The following HHAT variants were observed in gnomAD, a reference collection of about 807,000 sequenced individuals.
HHAT encodes the protein protein-cysteine N-palmitoyltransferase HHAT.
Under a neutral mutation model 70.8 loss-of-function variants are expected in HHAT, and 47 were observed. The ratio of observed to expected loss-of-function variants is 0.66; its 90% CI spans 0.53 to 0.85. HHAT has a LOEUF of 0.85. Ranked by LOEUF, HHAT falls within the 40% of genes least tolerant of loss-of-function variation. The pLI is 0.00. For missense variants in HHAT, 609 were observed against 604.8 expected, an observed-to-expected ratio of 1.01 and a Z score of -0.07; for synonymous variants, 228 against 247.6, an observed-to-expected ratio of 0.92 and a Z score of 0.74.
At chr1:210,631,896 T>C (rs1670933531) in intron 11 of HHAT, among the ~76,000 whole-genome samples, 1 of 152,176 alleles carries the variant, frequency 6.6e-6, no homozygotes, top group African/African-American at 2.4e-5. Flanking sequence ...GTGAAGACTA[T>C]ACAAAAAAAC....
chr1:210,432,240 A>G (rs973179495), intron 7 of HHAT, among the ~76,000 whole-genome samples: 1 of 151,814 alleles, frequency 6.6e-6, no homozygotes, highest in Non-Finnish European at 1.5e-5. Context: ...ACTTCCTTGA[A>G]AAATGTGTAG....
chr1:210,425,125 A>G (rs1421288456), intron 7 of HHAT, among the ~76,000 whole-genome samples: 3 of 151,996 alleles, frequency 2.0e-5, no homozygotes, highest in African/African-American at 4.8e-5. Context: ...TTTTCCCCAC[A>G]TGATTCTTGG....
At chr1:210,605,031 C>G (rs981849638) in intron 10 of HHAT, among the ~76,000 whole-genome samples, 5 of 152,204 alleles carry the variant, frequency 3.3e-5, no homozygotes, top group Admixed American at 3.3e-4. Context: ...ACAACAACAA[C>G]AACAACAACA....
At chr1:210,379,136 G>C (rs2090445508) in intron 3 of HHAT, among the ~76,000 whole-genome samples, 1 of 152,186 alleles carries the variant, frequency 6.6e-6, no homozygotes. Context: ...AGAACCTAGG[G>C]CTCTGGTGCC....
intron 3 of HHAT, among the ~76,000 whole-genome samples, chr1:210,386,222 C>CTTTTTTTTT (rs1295756019): frequency 2.9e-5 from 2 of 69,890 alleles, no homozygotes; most frequent in African/African-American, 1.1e-4. Context: ...GAGTCCTTTT[C>CTTTTTTTTT]TTTTTTTCTT....
intron 9 of HHAT, among the ~76,000 whole-genome samples, chr1:210,558,815 T>C (rs2095596237): frequency 6.6e-6 from 1 of 152,138 alleles, no homozygotes; most frequent in Non-Finnish European, 1.5e-5. Flanking sequence ...GTTGGGGTCA[T>C]GTGGCTGGGA....
chr1:210,606,933 C>T (rs1011459711), intron 10 of HHAT, among the ~76,000 whole-genome samples: 5 of 152,152 alleles, frequency 3.3e-5, no homozygotes, highest in African/African-American at 9.7e-5. Flanking sequence ...AGCATTACTG[C>T]GAACATCTTC....
intron 9 of HHAT, among the ~76,000 whole-genome samples, chr1:210,524,432 G>A (rs75112430): frequency 0.014 from 2,089 of 152,170 alleles, 46 homozygotes; most frequent in African/African-American, 0.048. Context: ...GGGAAAGGGC[G>A]AGGGCTGGAC....
intron 11 of HHAT, among the ~76,000 whole-genome samples, chr1:210,640,968 G>T (rs1477702039): frequency 1.3e-5 from 2 of 152,148 alleles, no homozygotes; most frequent in Non-Finnish European, 2.9e-5. Context: ...TCTAGCTGCT[G>T]CTTCAGTGCT....
At chr1:210,568,129 G>T (rs947264692) in intron 9 of HHAT, among the ~76,000 whole-genome samples, 4 of 152,198 alleles carry the variant, frequency 2.6e-5, no homozygotes, top group Admixed American at 6.5e-5. Flanking sequence ...AGGTTAAGCT[G>T]ATCACCAATT....
intron 7 of HHAT, among the ~76,000 whole-genome samples, chr1:210,431,969 G>A (rs1272930493): frequency 6.6e-6 from 1 of 151,736 alleles, no homozygotes; most frequent in African/African-American, 2.4e-5. Flanking sequence ...TTAATTTGAG[G>A]CTTATGATTT....
intron 1 of HHAT, among the ~76,000 whole-genome samples, chr1:210,346,007 C>T (rs1037968221): frequency 1.1e-4 from 16 of 150,532 alleles, no homozygotes; most frequent in South Asian, 2.1e-4. Flanking sequence ...GAGGCTGCAG[C>T]GAGCTGAGAT....
intron 3 of HHAT, among the ~76,000 whole-genome samples, chr1:210,384,304 G>A (rs2090877335): frequency 6.6e-6 from 1 of 152,148 alleles, no homozygotes; most frequent in African/African-American, 2.4e-5. Flanking sequence ...TGACTGCTCT[G>A]TTGGTGAGTG....
chr1:210,635,856 C>T (rs76076339), intron 11 of HHAT, among the ~76,000 whole-genome samples: 5,024 of 152,246 alleles, frequency 0.033, 117 homozygotes, highest in Middle Eastern at 0.061. Flanking sequence ...GGACGCTTTG[C>T]GGAGATGAGC....
At chr1:210,594,022 T>C (rs1662360666) in intron 10 of HHAT, among the ~76,000 whole-genome samples, 1 of 152,190 alleles carries the variant, frequency 6.6e-6, no homozygotes, top group Non-Finnish European at 1.5e-5. Flanking sequence ...GCATGGAATA[T>C]CTTTTTCCAT....
intron 9 of HHAT, among the ~76,000 whole-genome samples, chr1:210,577,807 G>T (rs556098288): frequency 5.9e-5 from 9 of 151,700 alleles, no homozygotes; most frequent in African/African-American, 2.2e-4. Flanking sequence ...CACCACGCTG[G>T]GCTAATTTTT....
At chr1:210,411,747 TAAAGA>T (rs2092563175) in intron 6 of HHAT, among the ~76,000 whole-genome samples, 2 of 152,010 alleles carry the variant, frequency 1.3e-5, no homozygotes, top group African/African-American at 4.8e-5. Flanking sequence ...CCCTGTGTCA[TAAAGA>T]AAAGAGTCTG....
intron 9 of HHAT, among the ~76,000 whole-genome samples, chr1:210,570,770 A>G (rs931431194): frequency 2.0e-5 from 3 of 152,218 alleles, no homozygotes; most frequent in African/African-American, 7.2e-5. Context: ...GAAGTCACTT[A>G]AGGCAGTGCT....
chr1:210,586,761 A>G (rs779824663), intron 9 of HHAT, among the ~76,000 whole-genome samples: 4 of 152,250 alleles, frequency 2.6e-5, no homozygotes, highest in Non-Finnish European at 5.9e-5. Flanking sequence ...GGCTTTTTAA[A>G]AAGGCTATTG....
Sources: allele counts gnomAD v4.1 joint callset (sites outside exome capture counted in the v4.1 genomes callset), GRCh38; gene constraint gnomAD v4.1.1; transcripts MANE v1.5; gene names NCBI Gene and HGNC (gene_info 2026-07-23, HGNC 2026-07-21).